BBS9: variants seen among roughly 807,000 people sequenced by gnomAD.
BBS9 encodes Bardet-Biedl syndrome 9, also known as protein PTHB1.
Under a neutral mutation model 117.7 loss-of-function variants are expected in BBS9, and 89 were observed. The ratio of observed to expected loss-of-function variants is 0.76; its 90% CI spans 0.64 to 0.90. The LOEUF is 0.90. Ranked by LOEUF, BBS9 falls within the 40% of genes least tolerant of loss-of-function variation. The probability of loss-of-function intolerance (pLI) is 0.00; values close to 1 mark genes in which losing one functional copy is unlikely to be tolerated. For missense variants in BBS9, 982 were observed against 1,042.2 expected, an observed-to-expected ratio of 0.94 and a Z score of 0.80; for synonymous variants, 379 against 370.9, an observed-to-expected ratio of 1.02 and a Z score of -0.25.
chr7:33,481,666 GCTCT>G (rs1475275993), intron 19 of BBS9, among the ~76,000 whole-genome samples: 2 of 151,944 alleles, frequency 1.3e-5, no homozygotes, highest in Admixed American at 6.6e-5. Flanking sequence ...TACTGTAAAG[GCTCT>G]CTCTAAGTAG....
chr7:33,336,491 G>T lies in BBS9; in HGVS notation c.1067G>T (p.Cys356Phe). 1 of 1,613,850 alleles carries T rather than the reference G, an allele frequency of 6.2e-7. No individual in the cohort carries two copies. Among genetic ancestry groups the T allele is most frequent in the South Asian group, 1.1e-5 (1 of 91,046 alleles). Residue 356 changes from cysteine to phenylalanine, a missense_variant, in exon 10 of 23, where the codon TGT (cysteine) becomes TTT (phenylalanine). Coordinates refer to ENST00000242067, the MANE Select transcript of BBS9 (RefSeq NM_198428.3). The stretch of plus-strand genomic sequence containing the variant: ...CTGAGTGATGATGGTCACTTGCAGT[G>T]TTCATACCTGGGGACAGATCCTTCT... ...VTLSDDGHLQCSYLGTDPSLF... is the reference protein window; with the variant it reads ...VTLSDDGHLQFSYLGTDPSLF...
At chr7:33,198,410 C>T (rs553734560) in intron 5 of BBS9, among the ~76,000 whole-genome samples, 30 of 151,860 alleles carry the variant, frequency 2.0e-4, no homozygotes, top group Admixed American at 1.4e-3. Flanking sequence ...GTGCATGTTT[C>T]CAAGGTGGTA....
At chr7:33,470,130 A>G (rs7785012) in intron 19 of BBS9, among the ~76,000 whole-genome samples, 118,365 of 152,132 alleles carry the variant, frequency 0.78, 46,882 homozygotes, top group African/African-American at 0.93. Flanking sequence ...GCCTGGGGTC[A>G]TGGCAGGTCC....
chr7:33,434,944 A>C (rs1290197192), intron 19 of BBS9, among the ~76,000 whole-genome samples: 1 of 152,016 alleles, frequency 6.6e-6, no homozygotes, highest in Non-Finnish European at 1.5e-5. Flanking sequence ...AAGTATTGTG[A>C]CTCCATTACT....
chr7:33,395,354 T>G (rs1217421840), intron 19 of BBS9, among the ~76,000 whole-genome samples: 5 of 152,202 alleles, frequency 3.3e-5, no homozygotes, highest in Non-Finnish European at 7.4e-5. Flanking sequence ...ATTATAACAT[T>G]TTCACATAAA....
At chr7:33,547,058 G>C (rs900975008) in intron 21 of BBS9, among the ~76,000 whole-genome samples, 1 of 151,986 alleles carries the variant, frequency 6.6e-6, no homozygotes, top group Non-Finnish European at 1.5e-5. Flanking sequence ...TAGACTCGTG[G>C]GAAGATGCAA....
intron 19 of BBS9, among the ~76,000 whole-genome samples, chr7:33,391,912 G>A (rs1206781746): frequency 6.6e-6 from 1 of 152,096 alleles, no homozygotes; most frequent in East Asian, 1.9e-4. Flanking sequence ...AGTAAAATCT[G>A]TCCATCTTTT....
chr7:33,279,034 C>T (rs139378464), intron 9 of BBS9, among the ~76,000 whole-genome samples: 1 of 152,090 alleles, frequency 6.6e-6, no homozygotes, highest in South Asian at 2.1e-4. Context: ...TTAGCTATAG[C>T]TTATCTGTTT....
intron 5 of BBS9, among the ~76,000 whole-genome samples, chr7:33,248,475 C>T (rs1298238728): frequency 6.6e-5 from 10 of 152,272 alleles, no homozygotes; most frequent in Non-Finnish European, 1.2e-4. Flanking sequence ...CAAATAGTAG[C>T]ATGATCTCAA....
At chr7:33,275,888 A>G (rs1319192409) in intron 9 of BBS9, among the ~76,000 whole-genome samples, 1 of 152,168 alleles carries the variant, frequency 6.6e-6, no homozygotes, top group Non-Finnish European at 1.5e-5. Flanking sequence ...AAATATTATG[A>G]GTAAAACACC....
chr7:33,339,484 CA>C (rs1283674965), intron 10 of BBS9, among the ~76,000 whole-genome samples: 1 of 152,116 alleles, frequency 6.6e-6, no homozygotes, highest in Non-Finnish European at 1.5e-5. Context: ...ATTCCCATTC[CA>C]AATCGTGCAG....
chr7:33,217,293 T>A (rs1040637317), intron 5 of BBS9, among the ~76,000 whole-genome samples: 14 of 152,042 alleles, frequency 9.2e-5, no homozygotes, highest in Non-Finnish European at 1.3e-4. Flanking sequence ...ATTTATGGTA[T>A]TTTTTGGTTT....
intron 19 of BBS9, among the ~76,000 whole-genome samples, chr7:33,487,219 T>A (rs1843235962): frequency 6.6e-6 from 1 of 152,204 alleles, no homozygotes; most frequent in African/African-American, 2.4e-5. Context: ...ATTCGTTGGT[T>A]TCTCCATTTT....
intron 21 of BBS9, among the ~76,000 whole-genome samples, chr7:33,589,302 G>A (rs966946114): frequency 6.6e-6 from 1 of 152,118 alleles, no homozygotes; most frequent in Non-Finnish European, 1.5e-5. Flanking sequence ...TACGTCCCAT[G>A]CAGGATGGAG....
At chr7:33,522,015 C>G (rs1257574303) in intron 20 of BBS9, among the ~76,000 whole-genome samples, 2 of 150,618 alleles carry the variant, frequency 1.3e-5, no homozygotes, top group Non-Finnish European at 2.9e-5. Flanking sequence ...TTTGTTCTCG[C>G]GATAGTTTAC....
intron 5 of BBS9, among the ~76,000 whole-genome samples, chr7:33,233,482 T>A (rs1273811176): frequency 6.6e-6 from 1 of 152,182 alleles, no homozygotes; most frequent in Admixed American, 6.6e-5. Context: ...GATTTTATTT[T>A]GTGTGATACT....
chr7:33,515,891 A>G (rs968079667), intron 20 of BBS9, among the ~76,000 whole-genome samples: 1 of 152,318 alleles, frequency 6.6e-6, no homozygotes, highest in African/African-American at 2.4e-5. Flanking sequence ...CACTCAGTTC[A>G]ACTTTATACT....
intron 19 of BBS9, among the ~76,000 whole-genome samples, chr7:33,480,078 G>A (rs1027282881): frequency 4.2e-4 from 64 of 152,088 alleles, no homozygotes; most frequent in Non-Finnish European, 3.5e-4. Context: ...CTGATCAGGA[G>A]GAATCACAGC....
chr7:33,251,902 A>G lies in BBS9; in HGVS notation c.443-5334A>G, dbSNP rs373324927. Among the ~76,000 whole-genome samples, 7 of 152,222 alleles carry G rather than the reference A, an allele frequency of 4.6e-5. No individual in the cohort carries two copies. In the South Asian group the frequency reaches 1.4e-3, roughly 31 times the overall value. Reference sequence around the variant, plus strand: ...CTCTATGTTGCTAGAGTTTCAGGAAATAGGACCTGTTCTACTATGCTATAT... The same window carrying G: ...CTCTATGTTGCTAGAGTTTCAGGAAGTAGGACCTGTTCTACTATGCTATAT... On this transcript the variant is annotated intron_variant, in intron 5 of 22. Transcript: ENST00000242067.
Sources: allele counts gnomAD v4.1 joint callset (sites outside exome capture counted in the v4.1 genomes callset), GRCh38; gene constraint gnomAD v4.1.1; transcripts MANE v1.5; gene names NCBI Gene and HGNC (gene_info 2026-07-23, HGNC 2026-07-21).